Variants in RAB30 observed in about 807,000 individuals in gnomAD.
RAB30 encodes the protein ras-related protein Rab-30.
RAB30 carries 9 observed loss-of-function variants against 25.1 expected under a neutral mutation model. The observed-to-expected ratio is 0.36, with a 90% CI of 0.22 to 0.63. The LOEUF (loss-of-function observed/expected upper bound fraction) is 0.63. Ranked by LOEUF, RAB30 falls within the 20% of genes least tolerant of loss-of-function variation. The probability of loss-of-function intolerance (pLI) is 0.69; values close to 1 mark genes in which losing one functional copy is unlikely to be tolerated. For missense variants in RAB30, 140 were observed against 243.5 expected (o/e 0.58, Z 2.83); for synonymous variants, 77 against 86.4 (o/e 0.89, Z 0.60).
At chr11:83,016,064 G>A (rs1425601823) in intron 1 of RAB30, among the ~76,000 whole-genome samples, 2 of 152,178 alleles carry the variant, frequency 1.3e-5, no homozygotes, top group Non-Finnish European at 2.9e-5. Flanking sequence ...CTTGAGCCAG[G>A]GAGGTTGAGG....
intron 1 of RAB30, among the ~76,000 whole-genome samples, chr11:83,000,458 TAGAA>T (rs1183833416): frequency 2.6e-5 from 4 of 152,020 alleles, no homozygotes; most frequent in African/African-American, 7.3e-5. Context: ...ATAACGCTAT[TAGAA>T]AGAAAAATAA....
intron 1 of RAB30, among the ~76,000 whole-genome samples, chr11:83,052,450 G>T (rs1193882644): frequency 2.0e-5 from 3 of 152,218 alleles, no homozygotes; most frequent in Non-Finnish European, 4.4e-5. Context: ...GGCTAGAGGA[G>T]ACTTTTCCCC....
intron 1 of RAB30, among the ~76,000 whole-genome samples, chr11:83,021,187 G>T (rs1468935224): frequency 6.6e-6 from 1 of 152,224 alleles, no homozygotes; most frequent in Non-Finnish European, 1.5e-5. Context: ...GCCTGTCTGT[G>T]TACCTCATTC....
intron 1 of RAB30, chr11:83,034,795 G>C (rs972657523): frequency 6.6e-6 from 1 of 152,078 alleles, no homozygotes; most frequent in Non-Finnish European, 1.5e-5. Flanking sequence ...GCAGGTAACA[G>C]ATAAGAACAT....
At chr11:82,996,216 T>C (rs1025093428) in intron 2 of RAB30, among the ~76,000 whole-genome samples, 2 of 152,202 alleles carry the variant, frequency 1.3e-5, no homozygotes, top group Non-Finnish European at 2.9e-5. Flanking sequence ...TGTTATTCAA[T>C]CTGTCTCTTT....
At chr11:83,002,303 G>A (rs1193207430) in intron 1 of RAB30, among the ~76,000 whole-genome samples, 2 of 152,086 alleles carry the variant, frequency 1.3e-5, no homozygotes, top group African/African-American at 4.8e-5. Context: ...GCTCCTCACC[G>A]TGCCCTCCAG....
chr11:83,044,240 A>G (rs1166074764), intron 1 of RAB30, among the ~76,000 whole-genome samples: 1 of 152,234 alleles, frequency 6.6e-6, no homozygotes, highest in African/African-American at 2.4e-5. Flanking sequence ...AAATCCCTAA[A>G]GAATCTTACC....
At chr11:83,060,498 C>T (rs1219476965) in intron 1 of RAB30, among the ~76,000 whole-genome samples, 2 of 152,172 alleles carry the variant, frequency 1.3e-5, no homozygotes, top group Non-Finnish European at 2.9e-5. Context: ...GATCAAACCT[C>T]ATGTCACCAG....
chr11:82,996,966 G>A (rs1752115724), intron 2 of RAB30, among the ~76,000 whole-genome samples: 1 of 152,158 alleles, frequency 6.6e-6, no homozygotes, highest in African/African-American at 2.4e-5. Flanking sequence ...AAAACCACTT[G>A]CCTTTGTCAT....
intron 1 of RAB30, among the ~76,000 whole-genome samples, chr11:83,063,602 T>C (rs1399946481): frequency 6.6e-6 from 1 of 152,194 alleles, no homozygotes; most frequent in Admixed American, 6.5e-5. Flanking sequence ...AGGAACTCCG[T>C]AGTTCAATTT....
chr11:83,015,297 T>C (rs1857412199), intron 1 of RAB30, among the ~76,000 whole-genome samples: 1 of 152,060 alleles, frequency 6.6e-6, no homozygotes, highest in East Asian at 1.9e-4. Context: ...GTAGTGGAGA[T>C]GGAGAGAAGG....
At chr11:83,018,571 C>G (rs1317510661) in intron 1 of RAB30, among the ~76,000 whole-genome samples, 1 of 152,040 alleles carries the variant, frequency 6.6e-6, no homozygotes, top group Non-Finnish European at 1.5e-5. Context: ...TGTTTGAGTT[C>G]CTTGTAGATT....
In RAB30 at chr11:82,978,020, A is replaced by T. The variant is rs1162097141; in HGVS notation, c.*4145T>A. ...TCCAAAAAGAAAGTAAAGAAAACAT[A>T]TCCCTCCCTTATCCCAAAATTAGTG... On this transcript the variant is annotated 3_prime_UTR_variant, in exon 5 of 5. Transcript: ENST00000527633. The T allele has an allele frequency of 6.6e-6, 1 of 152,226 alleles. No individual in the cohort carries two copies. The highest frequency in any genetic ancestry group is 1.5e-5 in the Non-Finnish European group (1 of 68,036). The allele number at this position is 152,226 out of a possible 1,614,324, so 9.4% of individuals were successfully genotyped here. A position where few individuals can be genotyped will look rare whatever the true frequency, so the allele number is the denominator to read the frequency against.
intron 1 of RAB30, among the ~76,000 whole-genome samples, chr11:83,051,068 C>T (rs937849922): frequency 1.2e-4 from 18 of 152,152 alleles, no homozygotes; most frequent in African/African-American, 4.3e-4. Context: ...GGGTCACAAA[C>T]TAAATTATAA....
At chr11:83,042,138 G>A (rs182075027) in intron 1 of RAB30, among the ~76,000 whole-genome samples, 25 of 152,164 alleles carry the variant, frequency 1.6e-4, no homozygotes, top group African/African-American at 6.0e-4. Flanking sequence ...TTCAGGCAGG[G>A]AACACGCCTT....
chr11:83,014,468 C>T (rs1273544272), intron 1 of RAB30, among the ~76,000 whole-genome samples: 1 of 151,880 alleles, frequency 6.6e-6, no homozygotes, highest in African/African-American at 2.4e-5. Flanking sequence ...GTCCCTTGTG[C>T]CCAGGAGGTC....
At chr11:83,030,401 G>C (rs187464767) in intron 1 of RAB30, among the ~76,000 whole-genome samples, 1 of 151,998 alleles carries the variant, frequency 6.6e-6, no homozygotes, top group East Asian at 1.9e-4. Flanking sequence ...GGGAGCCTGA[G>C]GTGGGAGGAC....
rs748467900 is a variant in RAB30, at chr11:82,992,268, C to T, written c.177+1771G>A. On this transcript the variant is annotated intron_variant, in intron 3 of 4. Coordinates refer to ENST00000527633, the MANE Select transcript of RAB30 (RefSeq NM_001286060.2). ...CCTAGCTCCTTCTTCCCACCCCCCACACTATTTTTGTTCACTTTTTAGTTA... is the reference window on the plus strand; with the variant it reads ...CCTAGCTCCTTCTTCCCACCCCCCATACTATTTTTGTTCACTTTTTAGTTA... The T allele has an allele frequency of 3.7e-5, 17 of 455,932 alleles. No individual in the cohort carries two copies. The East Asian group carries it at 1.1e-3, about 30-fold the overall frequency. 28.2% of individuals were successfully genotyped at this position (455,932 alleles called of 1,614,324 possible).
intron 1 of RAB30, among the ~76,000 whole-genome samples, chr11:83,012,251 G>A (rs1857320840): frequency 6.6e-6 from 1 of 152,080 alleles, no homozygotes; most frequent in Admixed American, 6.5e-5. Context: ...GGCATTTTTT[G>A]CCTCCAATGC....
Sources: gnomAD v4.1 joint callset for allele counts (sites outside exome capture counted in the v4.1 genomes callset) on GRCh38, gnomAD v4.1.1 for gene constraint, MANE v1.5 for transcripts, NCBI Gene and HGNC (gene_info 2026-07-23, HGNC 2026-07-21) for gene names.